DLGAP2: variants seen among roughly 807,000 people sequenced by gnomAD.
The protein encoded by DLGAP2 is disks large-associated protein 2.
Under a neutral mutation model 100.3 loss-of-function variants are expected in DLGAP2, and 26 were observed. That is an observed-to-expected ratio of 0.26 (90% confidence interval 0.19 to 0.36). The LOEUF is 0.36. DLGAP2 is among the 10% of genes least tolerant of loss of function. The pLI is 1.00. For missense variants in DLGAP2, 1,858 were observed against 1,453.2 expected (o/e 1.28, Z -4.53); for synonymous variants, 886 against 630.1 (o/e 1.41, Z -6.08).
At chr8:1,174,377 A>G (rs1479436451) in intron 2 of DLGAP2, among the ~76,000 whole-genome samples, 1 of 151,828 alleles carries the variant, frequency 6.6e-6, no homozygotes, top group Non-Finnish European at 1.5e-5. Flanking sequence ...CATTATCATT[A>G]CCATTACCAC....
intron 6 of DLGAP2, among the ~76,000 whole-genome samples, chr8:1,624,980 G>A (rs1278084857): frequency 1.3e-5 from 2 of 151,980 alleles, no homozygotes; most frequent in African/African-American, 4.8e-5. Context: ...TTAGCAGAAA[G>A]AATGACTTTA....
At chr8:1,050,400 C>T (rs1019157572) in intron 2 of DLGAP2, among the ~76,000 whole-genome samples, 5 of 152,112 alleles carry the variant, frequency 3.3e-5, no homozygotes, top group African/African-American at 7.2e-5. Flanking sequence ...AGGCCTTGTG[C>T]GAGGTGGCTT....
intron 2 of DLGAP2, among the ~76,000 whole-genome samples, chr8:959,212 G>C (rs995465593): frequency 6.6e-6 from 1 of 152,208 alleles, no homozygotes; most frequent in Non-Finnish European, 1.5e-5. Flanking sequence ...ACATGTAAAA[G>C]AGTGAGTGTT....
chr8:947,433 CT>C (rs1302061895), intron 2 of DLGAP2, among the ~76,000 whole-genome samples: 2 of 152,222 alleles, frequency 1.3e-5, no homozygotes, highest in African/African-American at 4.8e-5. Flanking sequence ...CGACAGGCCC[CT>C]TACGTCCGCG....
intron 10 of DLGAP2, among the ~76,000 whole-genome samples, chr8:1,671,282 G>C (rs1430654899): frequency 6.6e-6 from 1 of 152,228 alleles, no homozygotes; most frequent in Admixed American, 6.5e-5. Flanking sequence ...CACAGGGCAG[G>C]TGTCACGCTG....
intron 2 of DLGAP2, among the ~76,000 whole-genome samples, chr8:1,228,183 A>C (rs577037228): frequency 1.1e-5 from 1 of 94,608 alleles, no homozygotes; most frequent in Non-Finnish European, 2.5e-5. Context: ...CATATGTAAC[A>C]AACCTGCACG....
intron 1 of DLGAP2, among the ~76,000 whole-genome samples, chr8:826,666 G>A (rs555674280): frequency 2.0e-5 from 3 of 152,042 alleles, no homozygotes; most frequent in South Asian, 2.1e-4. Context: ...AGGGTCCCGC[G>A]CCCCCTCTCG....
At chr8:1,133,503 T>A (rs1796340551) in intron 2 of DLGAP2, among the ~76,000 whole-genome samples, 1 of 152,186 alleles carries the variant, frequency 6.6e-6, no homozygotes, top group African/African-American at 2.4e-5. Flanking sequence ...TGGAAAACAA[T>A]TAAGTCCAAC....
At position 1,368,168 on chromosome 8, in the gene DLGAP2, G is replaced by A. The variant is rs561478836; in HGVS notation, c.106+109285G>A. Among the ~76,000 whole-genome samples, 70 of 152,186 alleles carry A rather than the reference G, an allele frequency of 4.6e-4. No homozygotes were observed. The East Asian group carries it at 0.011, about 24-fold the overall frequency. The stretch of plus-strand genomic sequence containing the variant: ...ATGTATTTGTAGTGCACATACGTGT[G>A]CATGTGTGTGTGTATGTGCACGTGT... On this transcript the variant is annotated intron_variant, in intron 3 of 14. Coordinates refer to ENST00000637795, the MANE Select transcript of DLGAP2 (RefSeq NM_001346810.2).
intron 3 of DLGAP2, among the ~76,000 whole-genome samples, chr8:1,430,025 T>TATATATATATATATATATATATATATAC (rs1797377276): frequency 3.0e-5 from 3 of 98,816 alleles, no homozygotes; most frequent in African/African-American, 1.3e-4. Flanking sequence ...TATATATATA[T>TATATATATATATATATATATATATATAC]ATACACACAC....
intron 1 of DLGAP2, among the ~76,000 whole-genome samples, chr8:742,820 T>C (rs6559170): frequency 0.15 from 22,751 of 152,094 alleles, 2,221 homozygotes; most frequent in African/African-American, 0.28. Context: ...ATTTGGCTCT[T>C]TATTTGACCT....
chr8:1,048,011 T>G (rs1371574288), intron 2 of DLGAP2, among the ~76,000 whole-genome samples: 1 of 152,252 alleles, frequency 6.6e-6, no homozygotes, highest in South Asian at 2.1e-4. Context: ...CCTGCAAGGG[T>G]GCGGACACTG....
chr8:891,314 A>T (rs770874701), intron 1 of DLGAP2: 15 of 152,790 alleles, frequency 9.8e-5, no homozygotes, highest in Non-Finnish European at 2.2e-4. Context: ...ATAGAAAAGC[A>T]GAAGAAAGGC....
intron 2 of DLGAP2, among the ~76,000 whole-genome samples, chr8:1,081,983 A>G (rs76917467): frequency 0.011 from 1,716 of 152,312 alleles, 11 homozygotes; most frequent in Non-Finnish European, 0.019. Context: ...GGAGATCTCC[A>G]AGAAAAGAAG....
intron 12 of DLGAP2, among the ~76,000 whole-genome samples, chr8:1,680,048 C>T (rs920087373): frequency 8.9e-5 from 13 of 146,500 alleles, no homozygotes; most frequent in African/African-American, 3.0e-4. Context: ...ATTTGATTGA[C>T]TTCTAAGCTA....
chr8:947,897 T>C (rs967455136), intron 2 of DLGAP2, among the ~76,000 whole-genome samples: 1 of 138,268 alleles, frequency 7.2e-6, no homozygotes, highest in African/African-American at 2.8e-5. Flanking sequence ...GTGTGGGCCA[T>C]GGCCCCACCG....
chr8:1,592,041 G>C (rs4563911), intron 6 of DLGAP2, among the ~76,000 whole-genome samples: 50,905 of 152,002 alleles, frequency 0.33, 8,666 homozygotes, highest in East Asian at 0.51. Flanking sequence ...AGCTGGGGCA[G>C]TGAGTATCCA....
chr8:1,176,740 T>C (rs929522628), intron 2 of DLGAP2, among the ~76,000 whole-genome samples: 4 of 152,048 alleles, frequency 2.6e-5, no homozygotes, highest in African/African-American at 9.7e-5. Context: ...TGCAGCCCCG[T>C]CTGCTGGTCC....
At chr8:948,318 T>C (rs986625474) in intron 2 of DLGAP2, among the ~76,000 whole-genome samples, 6 of 152,180 alleles carry the variant, frequency 3.9e-5, no homozygotes, top group African/African-American at 1.4e-4. Context: ...CTCATGCGTG[T>C]CGCCTGCGGG....
Sources: gnomAD v4.1 joint callset for allele counts (sites outside exome capture counted in the v4.1 genomes callset) on GRCh38, gnomAD v4.1.1 for gene constraint, MANE v1.5 for transcripts, NCBI Gene and HGNC (gene_info 2026-07-23, HGNC 2026-07-21) for gene names.